Variants in PCCA observed in about 807,000 individuals in gnomAD.
PCCA encodes the protein propionyl-CoA carboxylase subunit alpha, also known as propionyl-CoA carboxylase alpha chain, mitochondrial.
PCCA carries 74 observed loss-of-function variants against 101.3 expected under a neutral mutation model. The ratio of observed to expected loss-of-function variants is 0.73; its 90% confidence interval spans 0.61 to 0.89. The LOEUF (loss-of-function observed/expected upper bound fraction) is 0.89, where lower values mean the gene tolerates loss of function less well. Ranked by LOEUF, PCCA falls within the 40% of genes least tolerant of loss-of-function variation. The pLI, the probability that PCCA is intolerant of heterozygous loss-of-function variation, is 0.00. For synonymous variants in PCCA, 294 were observed against 313.6 expected (o/e 0.94, Z 0.66); for missense variants, 891 against 907.0 (o/e 0.98, Z 0.23).
rs763331038 is a variant in PCCA, at chr13:100,400,627, G to GTTTTTTTTTTTT, written c.1747-25004_1747-25003insTTTTTTTTTTTT. The stretch of plus-strand genomic sequence containing the variant: ...TGATGATTGATCTTAGTTCTTTTTA[G>GTTTTTTTTTTTT]TTCTTTTTTTTTTTTTTTTTGAGAG... On this transcript the variant is annotated intron_variant, in intron 19 of 23. Transcript: ENST00000376285. Among the ~76,000 whole-genome samples the GTTTTTTTTTTTT allele has an allele frequency of 1.3e-3, 103 of 80,168 alleles. 5 individuals carry two copies. Among genetic ancestry groups the GTTTTTTTTTTTT allele is most frequent in the East Asian group, 2.8e-3 (8 of 2,850 alleles). The allele number at this position is 80,168 out of a possible 152,430, so 52.6% of individuals were successfully genotyped here.
intron 21 of PCCA, among the ~76,000 whole-genome samples, chr13:100,462,702 G>A (rs1490905383): frequency 6.6e-6 from 1 of 152,126 alleles, no homozygotes; most frequent in Non-Finnish European, 1.5e-5. Flanking sequence ...TTTTGAAAAT[G>A]AGCACAAAAC....
At chr13:100,152,328 A>G (rs2053425068) in intron 4 of PCCA, among the ~76,000 whole-genome samples, 1 of 149,806 alleles carries the variant, frequency 6.7e-6, no homozygotes, top group South Asian at 2.1e-4. Flanking sequence ...CTTTTAATGC[A>G]TGATTTATTC....
At chr13:100,141,269 T>C in intron 4 of PCCA, among the ~76,000 whole-genome samples, 1 of 152,204 alleles carries the variant, frequency 6.6e-6, no homozygotes. Context: ...ACCTTTCACA[T>C]TTCCACCATT....
At chr13:100,141,632 C>G (rs1365598024) in intron 4 of PCCA, among the ~76,000 whole-genome samples, 1 of 152,074 alleles carries the variant, frequency 6.6e-6, no homozygotes, top group African/African-American at 2.4e-5. Flanking sequence ...AGGCTGGTTT[C>G]AAACTACTGA....
At chr13:100,277,712 G>T (rs2063764892) in intron 12 of PCCA, among the ~76,000 whole-genome samples, 1 of 152,140 alleles carries the variant, frequency 6.6e-6, no homozygotes, top group Non-Finnish European at 1.5e-5. Context: ...GGAAACCTCA[G>T]CTGTAAGGGA....
intron 12 of PCCA, 57 bp from the exon 13 acceptor site, chr13:100,301,403 G>A: frequency 6.3e-7 from 1 of 1,595,808 alleles, no homozygotes; most frequent in East Asian, 2.2e-5. Context: ...TTTCTTGTTT[G>A]TTTCTATTTA....
intron 12 of PCCA, among the ~76,000 whole-genome samples, chr13:100,275,290 G>A (rs1260797590): frequency 6.6e-6 from 1 of 152,250 alleles, no homozygotes; most frequent in African/African-American, 2.4e-5. Flanking sequence ...CCTACCATGG[G>A]TGCAGGAGGG....
intron 18 of PCCA, among the ~76,000 whole-genome samples, chr13:100,346,335 C>G (rs2390466): frequency 0.46 from 70,575 of 151,826 alleles, 16,489 homozygotes; most frequent in Middle Eastern, 0.54. Flanking sequence ...GAAGAACTGG[C>G]TTTGAGGTGT....
chr13:100,133,971 C>T (rs565644341), intron 4 of PCCA, among the ~76,000 whole-genome samples: 4 of 152,324 alleles, frequency 2.6e-5, no homozygotes. Flanking sequence ...TTGCCAGGGG[C>T]TCTGAGGCCT....
At chr13:100,362,973 G>C (rs1254141641) in intron 18 of PCCA, among the ~76,000 whole-genome samples, 2 of 152,172 alleles carry the variant, frequency 1.3e-5, no homozygotes, top group East Asian at 3.9e-4. Context: ...TAATGTTGGA[G>C]TGTTGTAAGT....
At chr13:100,351,235 G>C (rs1345602853) in intron 18 of PCCA, among the ~76,000 whole-genome samples, 2 of 152,060 alleles carry the variant, frequency 1.3e-5, no homozygotes, top group Non-Finnish European at 2.9e-5. Context: ...GCTGATCTGT[G>C]TAAGGCAATT....
At chr13:100,463,336 GTT>G (rs574359198) in intron 21 of PCCA, among the ~76,000 whole-genome samples, 3,791 of 114,280 alleles carry the variant, frequency 0.033, 113 homozygotes, top group African/African-American at 0.11. Flanking sequence ...TATTGGTGTG[GTT>G]TTTTTTTTTT....
At chr13:100,412,967 A>G (rs1304948697) in intron 19 of PCCA, among the ~76,000 whole-genome samples, 1 of 152,226 alleles carries the variant, frequency 6.6e-6, no homozygotes, top group Non-Finnish European at 1.5e-5. Context: ...ACTATTAAAC[A>G]TGTTATTTGT....
chr13:100,275,046 G>A (rs1331336841), intron 12 of PCCA, among the ~76,000 whole-genome samples: 1 of 151,500 alleles, frequency 6.6e-6, no homozygotes, highest in African/African-American at 2.4e-5. Context: ...TAGGCCCTTG[G>A]GGGAGGGGGT....
intron 19 of PCCA, among the ~76,000 whole-genome samples, chr13:100,376,795 C>T (rs529495609): frequency 6.6e-6 from 1 of 152,254 alleles, no homozygotes; most frequent in East Asian, 1.9e-4. Context: ...GCTTCAGCCC[C>T]GTTTCCAGGG....
At chr13:100,391,081 G>A (rs1294768572) in intron 19 of PCCA, among the ~76,000 whole-genome samples, 4 of 151,800 alleles carry the variant, frequency 2.6e-5, no homozygotes, top group African/African-American at 7.3e-5. Context: ...GCAGTGGCAC[G>A]ATCTTGGCTC....
intron 6 of PCCA, among the ~76,000 whole-genome samples, chr13:100,159,194 A>G (rs2054190883): frequency 7.0e-6 from 1 of 142,796 alleles, no homozygotes; most frequent in Non-Finnish European, 1.5e-5. Flanking sequence ...CCTGGGTTCA[A>G]GCTATTCTGC....
At chr13:100,292,027 G>C (rs945975752) in intron 12 of PCCA, among the ~76,000 whole-genome samples, 4 of 152,154 alleles carry the variant, frequency 2.6e-5, no homozygotes, top group Non-Finnish European at 5.9e-5. Context: ...AGTAACTCTG[G>C]GGGAGATAGA....
intron 19 of PCCA, among the ~76,000 whole-genome samples, chr13:100,381,141 T>C (rs1265527864): frequency 6.6e-6 from 1 of 152,088 alleles, no homozygotes; most frequent in African/African-American, 2.4e-5. Context: ...TCCCAGCACT[T>C]TGGGAGGCTG....
Sources: gnomAD v4.1 joint callset for allele counts (sites outside exome capture counted in the v4.1 genomes callset) on GRCh38, gnomAD v4.1.1 for gene constraint, MANE v1.5 for transcripts, NCBI Gene and HGNC (gene_info 2026-07-23, HGNC 2026-07-21) for gene names.